TBC1D5: variants seen among roughly 807,000 people sequenced by gnomAD.
TBC1D5 encodes TBC1 domain family member 5, also known as TBC1 domain family, member 5.
A neutral mutation model predicts 100.3 loss-of-function variants in TBC1D5; 75 were observed. The ratio of observed to expected loss-of-function variants is 0.75; its 90% CI spans 0.62 to 0.91. The LOEUF (loss-of-function observed/expected upper bound fraction) is 0.91, where lower values mean the gene tolerates loss of function less well. Among genes scored for constraint, TBC1D5 ranks in the 40% least tolerant of loss-of-function variants. The pLI, the probability that TBC1D5 is intolerant of heterozygous loss-of-function variation, is 0.00. For missense variants in TBC1D5, 910 were observed against 942.4 expected (o/e 0.97, Z 0.45); for synonymous variants, 323 against 325.6 (o/e 0.99, Z 0.09).
At chr3:17,699,098 G>T (rs1487512326) in intron 1 of TBC1D5, among the ~76,000 whole-genome samples, 1 of 150,158 alleles carries the variant, frequency 6.7e-6, no homozygotes, top group Non-Finnish European at 1.5e-5. Flanking sequence ...GCCCACGTAT[G>T]TTTATTGCGG....
chr3:17,479,440 A>T (rs1191315223), intron 3 of TBC1D5, among the ~76,000 whole-genome samples: 1 of 152,216 alleles, frequency 6.6e-6, no homozygotes, highest in Non-Finnish European at 1.5e-5. Context: ...CAATATATCA[A>T]GGTGTAGTTC....
intron 2 of TBC1D5, among the ~76,000 whole-genome samples, chr3:17,576,983 C>A (rs567241878): frequency 6.6e-6 from 1 of 152,060 alleles, no homozygotes; most frequent in African/African-American, 2.4e-5. Flanking sequence ...TTTCTCTGAA[C>A]AAATTTTCAT....
intron 19 of TBC1D5, among the ~76,000 whole-genome samples, chr3:17,175,911 TC>T (rs553538646): frequency 4.4e-4 from 67 of 152,374 alleles, no homozygotes; most frequent in African/African-American, 1.6e-3. Flanking sequence ...TATGCTCTTG[TC>T]CTCAGCATGA....
chr3:17,611,016 A>C (rs2061636337), intron 2 of TBC1D5, among the ~76,000 whole-genome samples: 1 of 152,214 alleles, frequency 6.6e-6, no homozygotes, highest in Admixed American at 6.5e-5. Flanking sequence ...ATCTCAGTCT[A>C]TAAGTCAATA....
At chr3:17,285,233 C>A (rs1180633668) in intron 15 of TBC1D5, among the ~76,000 whole-genome samples, 1 of 143,954 alleles carries the variant, frequency 6.9e-6, no homozygotes, top group Non-Finnish European at 1.5e-5. Context: ...AGTCACTATA[C>A]GTGGATTTTA....
intron 2 of TBC1D5, among the ~76,000 whole-genome samples, chr3:17,518,603 C>T (rs1190177126): frequency 6.6e-6 from 1 of 152,224 alleles, no homozygotes; most frequent in East Asian, 1.9e-4. Context: ...ATTCTTGCAA[C>T]CTCATTTTTC....
chr3:17,521,759 A>C (rs2096066032), intron 2 of TBC1D5, among the ~76,000 whole-genome samples: 2 of 152,162 alleles, frequency 1.3e-5, no homozygotes, highest in Non-Finnish European at 1.5e-5. Flanking sequence ...TAGTATTTGA[A>C]CTCTTGTATT....
chr3:17,323,419 GA>G (rs1285379789), intron 13 of TBC1D5, among the ~76,000 whole-genome samples: 1 of 152,084 alleles, frequency 6.6e-6, no homozygotes, highest in Admixed American at 6.6e-5. Flanking sequence ...TGGAAAGGAA[GA>G]AATAAAACTG....
chr3:17,263,143 G>A (rs1254106065), intron 15 of TBC1D5, among the ~76,000 whole-genome samples: 1 of 151,918 alleles, frequency 6.6e-6, no homozygotes, highest in African/African-American at 2.4e-5. Flanking sequence ...GTTTGAGGCT[G>A]CAGTGAACTA....
At chr3:17,671,019 C>G (rs1314652164) in intron 1 of TBC1D5, among the ~76,000 whole-genome samples, 1 of 152,218 alleles carries the variant, frequency 6.6e-6, no homozygotes, top group Non-Finnish European at 1.5e-5. Flanking sequence ...ATTTATTAGT[C>G]TTTCACTCAG....
At chr3:17,663,664 C>G (rs2066907698) in intron 1 of TBC1D5, among the ~76,000 whole-genome samples, 1 of 152,020 alleles carries the variant, frequency 6.6e-6, no homozygotes, top group Non-Finnish European at 1.5e-5. Context: ...TGTAATTACC[C>G]TTCTAACCAG....
chr3:17,558,967 T>C (rs2096539313), intron 2 of TBC1D5, among the ~76,000 whole-genome samples: 1 of 152,170 alleles, frequency 6.6e-6, no homozygotes, highest in African/African-American at 2.4e-5. Flanking sequence ...CTAAATCACA[T>C]GTTTAACCAC....
intron 13 of TBC1D5, among the ~76,000 whole-genome samples, chr3:17,351,914 C>A (rs572009421): frequency 6.7e-6 from 1 of 149,922 alleles, no homozygotes; most frequent in East Asian, 1.9e-4. Flanking sequence ...TTTTCTCCTA[C>A]CCTTTTCTGA....
intron 1 of TBC1D5, among the ~76,000 whole-genome samples, chr3:17,705,693 G>A (rs1046962810): frequency 5.1e-5 from 7 of 136,948 alleles, no homozygotes; most frequent in African/African-American, 1.7e-4. Context: ...ATGTGATGGC[G>A]GCTGGGAAGA....
chr3:17,612,950 TATGTATACA>T (rs1348708867), intron 2 of TBC1D5, among the ~76,000 whole-genome samples: 1 of 151,626 alleles, frequency 6.6e-6, no homozygotes, highest in African/African-American at 2.4e-5. Context: ...ATTTGTTACA[TATGTATACA>T]TGTGCCATGT....
intron 2 of TBC1D5, among the ~76,000 whole-genome samples, chr3:17,609,239 T>C (rs2061521459): frequency 1.3e-5 from 2 of 152,226 alleles, no homozygotes; most frequent in South Asian, 4.1e-4. Context: ...AGCTGCTTAC[T>C]TAACTGGTCA....
intron 3 of TBC1D5, among the ~76,000 whole-genome samples, chr3:17,459,446 C>T (rs1429773593): frequency 6.6e-6 from 1 of 152,240 alleles, no homozygotes; most frequent in African/African-American, 2.4e-5. Flanking sequence ...TGTCGCTCAC[C>T]TCTGGCTGTG....
At chr3:17,475,079 C>T (rs2095421944) in intron 3 of TBC1D5, among the ~76,000 whole-genome samples, 1 of 152,044 alleles carries the variant, frequency 6.6e-6, no homozygotes, top group South Asian at 2.1e-4. Flanking sequence ...CAATTGTGTT[C>T]ATATTCCTAA....
intron 13 of TBC1D5, among the ~76,000 whole-genome samples, chr3:17,332,883 GTT>G (rs1208150775): frequency 1.3e-5 from 2 of 152,128 alleles, no homozygotes; most frequent in Non-Finnish European, 2.9e-5. Flanking sequence ...GAGAGTGGAA[GTT>G]GAAGAATTGG....
Sources: allele counts gnomAD v4.1 joint callset (sites outside exome capture counted in the v4.1 genomes callset), GRCh38; gene constraint gnomAD v4.1.1; transcripts MANE v1.5; gene names NCBI Gene and HGNC (gene_info 2026-07-23, HGNC 2026-07-21).